Variants in ZNF350 observed in about 807,000 individuals in gnomAD.
ZNF350 encodes the protein KRAB zinc finger protein ZFQR.
In ZNF350, 5 loss-of-function variants were observed where a neutral mutation model predicts 13.1. The observed-to-expected ratio is 0.38, with a 90% CI of 0.20 to 0.80. The LOEUF (loss-of-function observed/expected upper bound fraction) is 0.80. ZNF350 is among the 30% of genes least tolerant of loss of function. The pLI is 0.43. For missense variants in ZNF350, 534 were observed against 644.2 expected, an observed-to-expected ratio of 0.83 and a Z score of 1.85; for synonymous variants, 199 against 224.2, an observed-to-expected ratio of 0.89 and a Z score of 1.00.
At chr19:51,983,263 G>A (rs1344278847) in intron 1 of ZNF350, among the ~76,000 whole-genome samples, 1 of 152,182 alleles carries the variant, frequency 6.6e-6, no homozygotes, top group Non-Finnish European at 1.5e-5. Flanking sequence ...AGGCCGCAGG[G>A]ACCTCTGCCC....
intron 1 of ZNF350, among the ~76,000 whole-genome samples, chr19:51,985,624 C>T (rs2086144448): frequency 6.6e-6 from 1 of 152,146 alleles, no homozygotes; most frequent in African/African-American, 2.4e-5. Flanking sequence ...GGATTTGGGT[C>T]GCCTTGCCAC....
Position 51,966,225 on chromosome 19 carries a change from A to C in ZNF350, c.239-11T>G. On this transcript the variant is annotated splice_polypyrimidine_tract_variant and intron_variant, in intron 4 of 4. Transcript: ENST00000243644. Reference sequence around the variant, plus strand: ...CAACTTTCCATATGTCTAGAAAGAAAAGAACAAAGATTTCTATCATTTAGA... The same window carrying C: ...CAACTTTCCATATGTCTAGAAAGAACAGAACAAAGATTTCTATCATTTAGA... 6.5e-7 allele frequency: 1 copy of C among 1,539,430 alleles called. No individual in the cohort carries two copies. The highest frequency in any genetic ancestry group is 8.7e-7 in the Non-Finnish European group (1 of 1,148,304).
intron 3 of ZNF350, 48 bp from the exon 4 acceptor site, chr19:51,968,721 GC>G: frequency 6.4e-7 from 1 of 1,565,512 alleles, no homozygotes; most frequent in Non-Finnish European, 8.8e-7. Context: ...AATTGGGCTG[GC>G]AATGTCAAGA....
intron 1 of ZNF350, among the ~76,000 whole-genome samples, chr19:51,983,111 G>A (rs150222071): frequency 8.5e-5 from 13 of 152,354 alleles, no homozygotes; most frequent in Non-Finnish European, 1.5e-4. Context: ...GCTCAGAAAC[G>A]TGTGCTGTGT....
intron 1 of ZNF350, among the ~76,000 whole-genome samples, chr19:51,978,130 G>A (rs1475126554): frequency 6.6e-6 from 1 of 152,082 alleles, no homozygotes; most frequent in Non-Finnish European, 1.5e-5. Context: ...AATGAGATGG[G>A]GGCCTGCACC....
rs2085546848 is a variant in ZNF350 at position 51,965,676 on chromosome 19, T to C, written c.777A>G (p.Glu259=). The C allele has an allele frequency of 5.0e-6, 8 of 1,614,058 alleles. No individual in the cohort carries two copies. In the African/African-American group the frequency reaches 9.3e-5, roughly 19 times the overall value. Reference sequence around the variant, plus strand: ...CACATTCAGGGCATTCATAAGGTTTTTCTCCTGTATGAGTTCGCTGATGTT... The same window carrying C: ...CACATTCAGGGCATTCATAAGGTTTCTCTCCTGTATGAGTTCGCTGATGTT... ...LTEHQRTHTG[E]KPYECPECGK... is the part of the protein sequence containing the mutation. The change falls in exon 5 of 5, where the codon GAA becomes GAG. Residue 259 remains glutamate, a synonymous_variant. Coordinates refer to ENST00000243644, the MANE Select transcript of ZNF350 (RefSeq NM_021632.4).
chr19:51,969,827 T>TAATAA (rs893816845), intron 2 of ZNF350, among the ~76,000 whole-genome samples: 8 of 152,294 alleles, frequency 5.3e-5, no homozygotes, highest in Non-Finnish European at 1.2e-4. Context: ...AGACTGTCTC[T>TAATAA]AATAAAATAA....
chr19:51,984,516 G>A lies in ZNF350; in HGVS notation c.-172+2254C>T, dbSNP rs952741128. ...CTCTATGAAGCAGCAATTTTCCTCC[G>A]AGGTGCACATCTAGATATACATCTC... On this transcript the variant is annotated intron_variant, in intron 1 of 4. Coordinates refer to ENST00000243644, the MANE Select transcript of ZNF350 (RefSeq NM_021632.4). Among the ~76,000 whole-genome samples the A allele has an allele frequency of 5.9e-5, 9 of 152,200 alleles. No homozygotes were observed. In the South Asian group the frequency reaches 8.3e-4, roughly 14 times the overall value.
chr19:51,979,644 T>C (rs1384465300), intron 1 of ZNF350, among the ~76,000 whole-genome samples: 1 of 152,188 alleles, frequency 6.6e-6, no homozygotes, highest in Non-Finnish European at 1.5e-5. Context: ...ATTGTGCTGA[T>C]TATACAGAAT....
At chr19:51,969,216 T>C (rs1217273395) in intron 2 of ZNF350, 85 bp from the exon 3 acceptor site, 32 of 1,529,930 alleles carry the variant, frequency 2.1e-5, no homozygotes, top group Non-Finnish European at 2.0e-5. Context: ...ATTTCCACTC[T>C]ACAGGCTGTG....
Position 51,965,715 on chromosome 19 carries a change from C to A in ZNF350, c.738G>T (p.Lys246Asn), listed in dbSNP as rs781652572. 5.6e-6 allele frequency: 9 copies of A among 1,614,144 alleles called. No homozygotes were observed. The South Asian group carries it at 9.9e-5, about 18-fold the overall frequency. ...TTCGCTGATGTTCAGTAAGCATGAACTTTCTGGAGAAGGCTTTCTCACATA... is the reference window on the plus strand; with the variant it reads ...TTCGCTGATGTTCAGTAAGCATGAAATTTCTGGAGAAGGCTTTCTCACATA... ...CSLCEKAFSR[K>N]FMLTEHQRTH... The change falls in exon 5 of 5, where the codon AAG becomes AAT. Residue 246 changes from lysine to asparagine, a missense_variant. Coordinates refer to ENST00000243644, the MANE Select transcript of ZNF350 (RefSeq NM_021632.4).
intron 1 of ZNF350, chr19:51,984,259 C>G (rs2086120795): frequency 6.6e-6 from 1 of 150,462 alleles, no homozygotes; most frequent in Admixed American, 6.6e-5. Context: ...ACAACATACA[C>G]AAAAACCATT....
At chr19:51,980,016 A>C (rs1274370805) in intron 1 of ZNF350, among the ~76,000 whole-genome samples, 1 of 152,216 alleles carries the variant, frequency 6.6e-6, no homozygotes, top group Non-Finnish European at 1.5e-5. Context: ...GGATTGGAAC[A>C]CTGTCTAATA....
intron 1 of ZNF350, among the ~76,000 whole-genome samples, chr19:51,983,156 G>T (rs2086088328): frequency 6.6e-6 from 1 of 152,230 alleles, no homozygotes; most frequent in Admixed American, 6.5e-5. Context: ...GGCTGTGCAG[G>T]ACGTGCTTTG....
chr19:51,981,259 C>G lies in ZNF350; in HGVS notation c.-172+5511G>C, dbSNP rs576237056. Reference sequence around the variant, plus strand: ...CTGAGCAGCCGACCCCTTCTTCCACCCCCCCACCCTCCTATCTCTTTTGCC... The same window carrying G: ...CTGAGCAGCCGACCCCTTCTTCCACGCCCCCACCCTCCTATCTCTTTTGCC... On this transcript the variant is annotated intron_variant, in intron 1 of 4. Transcript: ENST00000243644. The G allele has an allele frequency of 4.7e-5, 7 of 148,270 alleles. No homozygotes were observed. The East Asian group carries it at 1.2e-3, about 26-fold the overall frequency. 9.2% of individuals were successfully genotyped at this position (148,270 alleles called of 1,614,324 possible).
intron 1 of ZNF350, among the ~76,000 whole-genome samples, chr19:51,980,744 TACAAA>T (rs756787363): frequency 1.3e-5 from 2 of 152,208 alleles, no homozygotes; most frequent in Non-Finnish European, 2.9e-5. Context: ...ATTGGTGAAT[TACAAA>T]ACAAAATTAT....
At chr19:51,971,455 A>G (rs1034523461) in intron 2 of ZNF350, among the ~76,000 whole-genome samples, 3 of 152,220 alleles carry the variant, frequency 2.0e-5, no homozygotes, top group Admixed American at 6.5e-5. Context: ...GGACGTGACC[A>G]ACTCAGCATT....
chr19:51,978,880 A>G (rs1050441422), intron 1 of ZNF350, among the ~76,000 whole-genome samples: 5 of 152,212 alleles, frequency 3.3e-5, no homozygotes, highest in Non-Finnish European at 2.9e-5. Flanking sequence ...AGTTTATCTG[A>G]AAGTGTTATG....
chr19:51,966,271 T>A (rs1425139894), intron 4 of ZNF350, 57 bp from the exon 5 acceptor site: 5 of 1,490,658 alleles, frequency 3.4e-6, no homozygotes, highest in Admixed American at 5.0e-5. Context: ...AAGTTTGTTG[T>A]GGTTTTTTTG....
Sources: allele counts gnomAD v4.1 joint callset (sites outside exome capture counted in the v4.1 genomes callset), GRCh38; gene constraint gnomAD v4.1.1; transcripts MANE v1.5; gene names NCBI Gene and HGNC (gene_info 2026-07-23, HGNC 2026-07-21).